NCK2: variants seen among roughly 807,000 people sequenced by gnomAD.
The protein encoded by NCK2 is NCK adaptor protein 2.
A neutral mutation model predicts 33.9 loss-of-function variants in NCK2; 16 were observed. The ratio of observed to expected loss-of-function variants is 0.47; its 90% CI spans 0.32 to 0.72. NCK2 has a LOEUF of 0.72. Ranked by LOEUF, NCK2 falls within the 30% of genes least tolerant of loss-of-function variation. NCK2 has a pLI of 0.03. For missense variants in NCK2, 418 were observed against 537.3 expected (o/e 0.78, Z 2.19); for synonymous variants, 273 against 239.9 (o/e 1.14, Z -1.27).
intron 1 of NCK2, among the ~76,000 whole-genome samples, chr2:105,767,664 CAGA>C (rs1450342381): frequency 6.6e-6 from 1 of 152,206 alleles, no homozygotes; most frequent in African/African-American, 2.4e-5. Context: ...AGGCCTTTTC[CAGA>C]AGAAGAACCG....
intron 2 of NCK2, among the ~76,000 whole-genome samples, chr2:105,844,766 A>ATG (rs1553459537): frequency 9.0e-5 from 12 of 132,726 alleles, no homozygotes; most frequent in African/African-American, 1.0e-4. Context: ...ATATATATAT[A>ATG]TATGTATGTA....
At chr2:105,775,328 A>G (rs1690265687) in intron 1 of NCK2, among the ~76,000 whole-genome samples, 1 of 152,178 alleles carries the variant, frequency 6.6e-6, no homozygotes, top group African/African-American at 2.4e-5. Flanking sequence ...GTCACTGGAC[A>G]TCAGTAGTTA....
intron 1 of NCK2, among the ~76,000 whole-genome samples, chr2:105,779,422 A>G (rs911575379): frequency 7.2e-5 from 11 of 151,970 alleles, no homozygotes; most frequent in Admixed American, 5.9e-4. Flanking sequence ...ACTAAAGGGG[A>G]TACTTTAAGT....
At chr2:105,765,359 C>T (rs558566256) in intron 1 of NCK2, among the ~76,000 whole-genome samples, 1 of 152,298 alleles carries the variant, frequency 6.6e-6, no homozygotes, top group South Asian at 2.1e-4. Flanking sequence ...TTTAAAATGG[C>T]CCTTGAATTT....
chr2:105,775,129 TTTAAAAAA>T (rs895648949), intron 1 of NCK2, among the ~76,000 whole-genome samples: 3 of 152,228 alleles, frequency 2.0e-5, no homozygotes, highest in Non-Finnish European at 1.5e-5. Context: ...AACTTTAGTT[TTTAAAAAA>T]TAGTAATAAG....
chr2:105,819,706 C>T (rs1675649479), intron 2 of NCK2, among the ~76,000 whole-genome samples: 1 of 152,222 alleles, frequency 6.6e-6, no homozygotes, highest in African/African-American at 2.4e-5. Flanking sequence ...ACAAAAATAT[C>T]TACCCATGTA....
At chr2:105,806,413 A>C (rs1323913993) in intron 1 of NCK2, among the ~76,000 whole-genome samples, 1 of 151,794 alleles carries the variant, frequency 6.6e-6, no homozygotes, top group Non-Finnish European at 1.5e-5. Flanking sequence ...AACTTTTTGT[A>C]TTTTTAGTAG....
chr2:105,776,772 G>A (rs1204204471), intron 1 of NCK2, among the ~76,000 whole-genome samples: 1 of 152,000 alleles, frequency 6.6e-6, no homozygotes, highest in Non-Finnish European at 1.5e-5. Context: ...TTAGCAGTCG[G>A]ACCACACGTG....
rs933824937 is a variant in NCK2 at position 105,893,226 on chromosome 2, C to T, written c.*50C>T. 1.3e-6 allele frequency: 2 copies of T among 1,504,928 alleles called. No homozygotes were observed. Among genetic ancestry groups the T allele is most frequent in the Non-Finnish European group, 1.8e-6 (2 of 1,120,652 alleles). The allele number at this position is 1,504,928 out of a possible 1,614,324, so 93.2% of individuals were successfully genotyped here. On this transcript the variant is annotated 3_prime_UTR_variant, in exon 5 of 5. Coordinates refer to ENST00000233154, the MANE Select transcript of NCK2 (RefSeq NM_003581.5). ...TCCCGGGCCCCACGGTGGAGCTGCCCGCCCGGCCTTGTGGCAGAGGCTCCT... is the reference window on the plus strand; with the variant it reads ...TCCCGGGCCCCACGGTGGAGCTGCCTGCCCGGCCTTGTGGCAGAGGCTCCT...
chr2:105,768,160 C>T (rs1026421409), intron 1 of NCK2, among the ~76,000 whole-genome samples: 1 of 152,218 alleles, frequency 6.6e-6, no homozygotes, highest in Non-Finnish European at 1.5e-5. Context: ...TCAACATATA[C>T]TCAAATAATT....
At chr2:105,839,962 T>C (rs1374600201) in intron 2 of NCK2, among the ~76,000 whole-genome samples, 1 of 152,122 alleles carries the variant, frequency 6.6e-6, no homozygotes, top group African/African-American at 2.4e-5. Context: ...TGGTCAGCAG[T>C]GTCTGCTGTA....
At chr2:105,868,357 A>G (rs1677843173) in intron 3 of NCK2, among the ~76,000 whole-genome samples, 1 of 152,160 alleles carries the variant, frequency 6.6e-6, no homozygotes, top group Non-Finnish European at 1.5e-5. Flanking sequence ...CAGCTGTGAG[A>G]GCCACCCAGA....
intron 1 of NCK2, among the ~76,000 whole-genome samples, chr2:105,803,347 T>G (rs1674912282): frequency 6.6e-6 from 1 of 152,244 alleles, no homozygotes; most frequent in Non-Finnish European, 1.5e-5. Context: ...CACTGCTATG[T>G]AGTCTCCTAT....
intron 4 of NCK2, among the ~76,000 whole-genome samples, chr2:105,884,811 C>T (rs760353547): frequency 1.3e-5 from 2 of 152,178 alleles, no homozygotes; most frequent in Admixed American, 6.5e-5. Flanking sequence ...CCTCCTCCCT[C>T]GCTCTCCTCT....
At chr2:105,805,965 C>T (rs941661236) in intron 1 of NCK2, among the ~76,000 whole-genome samples, 8 of 151,980 alleles carry the variant, frequency 5.3e-5, no homozygotes, top group Non-Finnish European at 1.2e-4. Flanking sequence ...TTATGTTTCA[C>T]GTACACCTTA....
chr2:105,881,702 C>T lies in NCK2; in HGVS notation c.601C>T (p.Gln201Ter). 6.2e-7 allele frequency: 1 copy of T among 1,614,202 alleles called. No individual in the cohort carries two copies. The highest frequency in any genetic ancestry group is 1.3e-5 in the African/African-American group (1 of 75,078). The change falls in exon 4 of 5, where the codon CAG becomes TAG. Residue 201 changes from glutamine to a stop codon, truncating the protein, a stop_gained. Transcript: ENST00000233154. LOFTEE classifies it high-confidence loss of function. Reference protein sequence around the residue: ...GQGSRVLHVVQTLYPFSSVTE... With the variant: ...GQGSRVLHVV ...GGGCTCCCGCGTGCTGCATGTGGTC[C>T]AGACGCTGTACCCCTTCAGCTCAGT...
At chr2:105,787,109 G>A (rs1355882723) in intron 1 of NCK2, among the ~76,000 whole-genome samples, 1 of 152,232 alleles carries the variant, frequency 6.6e-6, no homozygotes, top group Non-Finnish European at 1.5e-5. Context: ...CTGGGCAGCT[G>A]CTGTTACTCC....
At chr2:105,825,007 G>T (rs1471060751) in intron 2 of NCK2, among the ~76,000 whole-genome samples, 1 of 152,208 alleles carries the variant, frequency 6.6e-6, no homozygotes, top group Non-Finnish European at 1.5e-5. Flanking sequence ...GCCCACATTT[G>T]TTGGCTGAGT....
At chr2:105,873,601 T>G (rs1678111033) in intron 3 of NCK2, among the ~76,000 whole-genome samples, 1 of 152,170 alleles carries the variant, frequency 6.6e-6, no homozygotes, top group African/African-American at 2.4e-5. Flanking sequence ...ATCAACAGTT[T>G]GGCTCGTTTA....
Sources: gnomAD v4.1 joint callset for allele counts (sites outside exome capture counted in the v4.1 genomes callset) on GRCh38, gnomAD v4.1.1 for gene constraint, MANE v1.5 for transcripts, NCBI Gene and HGNC (gene_info 2026-07-23, HGNC 2026-07-21) for gene names.